ATG7: variants seen among roughly 807,000 people sequenced by gnomAD.
ATG7 encodes the protein ubiquitin-like modifier-activating enzyme ATG7.
Under a neutral mutation model 82.4 loss-of-function variants are expected in ATG7, and 70 were observed. The observed-to-expected ratio is 0.85, with a 90% CI of 0.70 to 1.04. The LOEUF is 1.04. Ranked by LOEUF, ATG7 falls within the 50% of genes least tolerant of loss-of-function variation. The pLI is 0.00. For missense variants in ATG7, 792 were observed against 864.3 expected (o/e 0.92, Z 1.05); for synonymous variants, 287 against 313.0 (o/e 0.92, Z 0.88).
chr3:11,477,129 G>A, intron 20 of ATG7: 1 of 1,289,796 alleles, frequency 7.8e-7, no homozygotes, highest in Non-Finnish European at 1.0e-6. Context: ...GTTTGTACCT[G>A]CCAGCATCTT....
intron 20 of ATG7, among the ~76,000 whole-genome samples, chr3:11,519,361 A>C (rs2092370328): frequency 6.6e-6 from 1 of 151,992 alleles, no homozygotes. Context: ...TCCTTGACGC[A>C]GTATTTCTGG....
At chr3:11,507,231 A>G (rs183553501) in intron 20 of ATG7, among the ~76,000 whole-genome samples, 276 of 152,190 alleles carry the variant, frequency 1.8e-3, no homozygotes, top group African/African-American at 6.3e-3. Flanking sequence ...TCAGTGAGCT[A>G]AGATCACACC....
intron 6 of ATG7, 33 bp downstream of exon 6, chr3:11,307,093 T>C (rs199548086): frequency 1.2e-4 from 187 of 1,578,666 alleles, no homozygotes; most frequent in Non-Finnish European, 1.6e-4. Flanking sequence ...ATGTGTCATA[T>C]TTCCTGTGGT....
At chr3:11,468,992 G>C (rs1338158144) in intron 20 of ATG7, among the ~76,000 whole-genome samples, 1 of 152,180 alleles carries the variant, frequency 6.6e-6, no homozygotes, top group African/African-American at 2.4e-5. Context: ...AATCTTGTTG[G>C]GTTGTTGCAT....
At chr3:11,431,391 A>AGG (rs1559609700) in intron 20 of ATG7, among the ~76,000 whole-genome samples, 2 of 151,008 alleles carry the variant, frequency 1.3e-5, no homozygotes, top group East Asian at 3.9e-4. Context: ...GGCGGGGGGA[A>AGG]AAAAACAACC....
intron 20 of ATG7, among the ~76,000 whole-genome samples, chr3:11,460,640 C>A (rs1299228936): frequency 6.6e-6 from 1 of 152,160 alleles, no homozygotes; most frequent in Non-Finnish European, 1.5e-5. Context: ...AAAATGAATT[C>A]CCTCCCTGTA....
At chr3:11,387,994 A>G (rs1053759820) in intron 19 of ATG7, among the ~76,000 whole-genome samples, 12 of 152,188 alleles carry the variant, frequency 7.9e-5, no homozygotes, top group African/African-American at 2.6e-4. Context: ...TTTACAGACA[A>G]TTTCAGAGGC....
At chr3:11,503,938 C>G (rs1319892006) in intron 20 of ATG7, among the ~76,000 whole-genome samples, 1 of 151,650 alleles carries the variant, frequency 6.6e-6, no homozygotes, top group Non-Finnish European at 1.5e-5. Flanking sequence ...AGGCTAGAAG[C>G]AATATTCAAA....
intron 9 of ATG7, among the ~76,000 whole-genome samples, chr3:11,316,379 A>C (rs989084961): frequency 6.6e-6 from 1 of 152,158 alleles, no homozygotes; most frequent in Non-Finnish European, 1.5e-5. Context: ...TACATCTAAA[A>C]CTTTTTTTGT....
In ATG7 at chr3:11,307,067, T is replaced by G. The variant is rs368671156; in HGVS notation, c.333+7T>G. On this transcript the variant is annotated splice_region_variant and intron_variant, in intron 6 of 20. Coordinates refer to ENST00000693202, the MANE Select transcript of ATG7 (RefSeq NM_001349232.2). ...GGAACAAGCAGCAAATGAGGTTAGC[T>G]GTGAAAACGTGATGTATGTGTCATA... The G allele has an allele frequency of 6.0e-5, 96 of 1,604,466 alleles. No homozygotes were observed. The highest frequency in any genetic ancestry group is 8.1e-5 in the Non-Finnish European group (95 of 1,171,324).
intron 20 of ATG7, among the ~76,000 whole-genome samples, chr3:11,454,776 A>G (rs1169035942): frequency 2.0e-5 from 3 of 152,202 alleles, no homozygotes; most frequent in South Asian, 2.1e-4. Flanking sequence ...TGTTTACTGA[A>G]TAGATTCTCA....
At chr3:11,311,620 A>G (rs1025567610) in intron 7 of ATG7, among the ~76,000 whole-genome samples, 4 of 151,726 alleles carry the variant, frequency 2.6e-5, no homozygotes, top group Non-Finnish European at 5.9e-5. Flanking sequence ...AAAAAAAAAA[A>G]GATTTTGTGA....
In ATG7 at chr3:11,555,887, T is replaced by TACAACAGTAGGATTTAGTAG. The variant is rs1198507224; in HGVS notation, c.*1045_*1064dup. 6.6e-6 allele frequency: 1 copy of TACAACAGTAGGATTTAGTAG among 152,368 alleles called. No individual in the cohort carries two copies. Among genetic ancestry groups the TACAACAGTAGGATTTAGTAG allele is most frequent in the Non-Finnish European group, 1.5e-5 (1 of 68,046 alleles). The allele number at this position is 152,368 out of a possible 1,614,324, so 9.4% of individuals were successfully genotyped here. On this transcript the variant is annotated 3_prime_UTR_variant, in exon 21 of 21. Transcript: ENST00000693202. ...GTGAAAATTGAGTCGAGCTGACCCTTACAACAGTAGGATTTAGTAGGGTAG... is the reference window on the plus strand; with the variant it reads ...GTGAAAATTGAGTCGAGCTGACCCTTACAACAGTAGGATTTAGTAGACAACAGTAGGATTTAGTAGGGTAG...
chr3:11,427,901 G>A (rs1265777236), intron 20 of ATG7, among the ~76,000 whole-genome samples: 4 of 152,100 alleles, frequency 2.6e-5, no homozygotes, highest in Non-Finnish European at 5.9e-5. Flanking sequence ...AGAGCTATTT[G>A]GATCACTTGG....
chr3:11,502,201 CTTTT>C (rs565183236), intron 20 of ATG7, among the ~76,000 whole-genome samples: 1 of 144,872 alleles, frequency 6.9e-6, no homozygotes, highest in African/African-American at 2.5e-5. Context: ...ACGTTAAATT[CTTTT>C]TTTTTTTAAT....
chr3:11,349,281 C>T (rs1226576186), intron 14 of ATG7, among the ~76,000 whole-genome samples: 2 of 152,182 alleles, frequency 1.3e-5, no homozygotes. Flanking sequence ...CTGGTTTCAC[C>T]TCTCACTAGC....
intron 19 of ATG7, among the ~76,000 whole-genome samples, chr3:11,420,956 C>T (rs970047359): frequency 4.6e-5 from 7 of 152,026 alleles, no homozygotes; most frequent in East Asian, 3.9e-4. Flanking sequence ...GGGGTTTCAC[C>T]GTGTTAGCCA....
chr3:11,363,110 C>T, intron 17 of ATG7, 182 bp downstream of exon 17: 1 of 570,166 alleles, frequency 1.8e-6, no homozygotes, highest in Non-Finnish European at 3.1e-6. Context: ...GGCATGTTTC[C>T]TTTGTGGCCA....
the ATG7 span, among the ~76,000 whole-genome samples, chr3:11,575,006 G>A: frequency 2.6e-5 from 4 of 152,122 alleles, no homozygotes; most frequent in South Asian, 2.1e-4. Flanking sequence ...GAATAAAGCC[G>A]CAGATCTTTT....
Sources: allele counts gnomAD v4.1 joint callset (sites outside exome capture counted in the v4.1 genomes callset), GRCh38; gene constraint gnomAD v4.1.1; transcripts MANE v1.5; gene names NCBI Gene and HGNC (gene_info 2026-07-23, HGNC 2026-07-21).